LCORL: variants seen among roughly 807,000 people sequenced by gnomAD.
The protein encoded by LCORL is ligand dependent nuclear receptor corepressor like, also known as ligand-dependent nuclear receptor corepressor-like protein.
LCORL carries 41 observed loss-of-function variants against 141.8 expected under a neutral mutation model. That is an observed-to-expected ratio of 0.29 (90% CI 0.23 to 0.38). The LOEUF is 0.38. Among genes scored for constraint, LCORL ranks in the 10% least tolerant of loss-of-function variants. The pLI, the probability that LCORL is intolerant of heterozygous loss-of-function variation, is 1.00. For missense variants in LCORL, 1,759 were observed against 2,035.0 expected (o/e 0.86, Z 2.61); for synonymous variants, 618 against 694.1 (o/e 0.89, Z 1.72).
rs1320620643 is a variant in LCORL at position 17,975,831 on chromosome 4, A to G, written c.155-2946T>C. ...TATTCCATGTAACACGGAAAAGAAT[A>G]TGTGTCTGTAGTTACTGGGAGGAAT... On this transcript the variant is annotated intron_variant, in intron 1 of 7. Coordinates refer to ENST00000635767, the Ensembl canonical transcript of LCORL. 2.0e-5 allele frequency among the ~76,000 whole-genome samples: 3 copies of G among 152,244 alleles called. No homozygotes were observed. The South Asian group carries it at 6.2e-4, about 31-fold the overall frequency.
chr4:17,977,420 G>A (rs1192048306), intron 1 of LCORL, among the ~76,000 whole-genome samples: 1 of 152,064 alleles, frequency 6.6e-6, no homozygotes, highest in Non-Finnish European at 1.5e-5. Context: ...TTGGTTAGTT[G>A]TGTTTTTCTT....
At chr4:17,959,241 C>T (rs1713302659) in intron 4 of LCORL, among the ~76,000 whole-genome samples, 2 of 151,890 alleles carry the variant, frequency 1.3e-5, no homozygotes, top group African/African-American at 4.8e-5. Context: ...CCCCATAGTT[C>T]CTCTCTAGTC....
chr4:18,018,775 G>C (rs1422774996), intron 1 of LCORL, among the ~76,000 whole-genome samples: 2 of 152,080 alleles, frequency 1.3e-5, no homozygotes, highest in African/African-American at 4.8e-5. Context: ...TTAAAATTAA[G>C]ATGTTTGGAT....
intron 1 of LCORL, among the ~76,000 whole-genome samples, chr4:17,991,695 T>C (rs1720039393): frequency 1.3e-5 from 2 of 152,264 alleles, no homozygotes; most frequent in Non-Finnish European, 1.5e-5. Flanking sequence ...TAAAATACAG[T>C]CACCAAATTT....
chr4:17,844,397 G>A (rs1009965571), exon 8 of LCORL: 5 of 152,056 alleles, frequency 3.3e-5, no homozygotes, highest in African/African-American at 1.2e-4. Flanking sequence ...CTTTTTTTAG[G>A]CTTATCATCT....
chr4:17,858,574 C>T (rs989126111), intron 7 of LCORL, among the ~76,000 whole-genome samples: 1 of 149,402 alleles, frequency 6.7e-6, no homozygotes, highest in Non-Finnish European at 1.5e-5. Flanking sequence ...AAAAAAAATA[C>T]AAAATTAGCC....
chr4:17,952,267 T>G (rs1354955694), intron 4 of LCORL, among the ~76,000 whole-genome samples: 1 of 152,172 alleles, frequency 6.6e-6, no homozygotes, highest in Non-Finnish European at 1.5e-5. Context: ...ACATCTCTTT[T>G]GATGATCAGG....
At chr4:17,905,951 G>A (rs543400178) in intron 5 of LCORL, among the ~76,000 whole-genome samples, 1 of 152,076 alleles carries the variant, frequency 6.6e-6, no homozygotes, top group Non-Finnish European at 1.5e-5. Flanking sequence ...AAATTCTTAA[G>A]GAAGCTATGT....
At chr4:17,864,817 T>C (rs763398521) in intron 7 of LCORL, among the ~76,000 whole-genome samples, 14 of 152,180 alleles carry the variant, frequency 9.2e-5, no homozygotes, top group Non-Finnish European at 4.4e-5. Flanking sequence ...TACACTATGA[T>C]AACAGTAGTG....
intron 1 of LCORL, among the ~76,000 whole-genome samples, chr4:18,004,156 G>A (rs922594513): frequency 6.6e-6 from 1 of 152,148 alleles, no homozygotes; most frequent in African/African-American, 2.4e-5. Context: ...CTAGCAAATA[G>A]CAATGTGTTG....
At chr4:17,974,558 A>G (rs1190588676) in intron 1 of LCORL, among the ~76,000 whole-genome samples, 4 of 152,160 alleles carry the variant, frequency 2.6e-5, no homozygotes, top group Non-Finnish European at 5.9e-5. Flanking sequence ...CCTTCTGAGT[A>G]ATCACCTGGA....
At chr4:18,009,728 C>G (rs1011148166) in intron 1 of LCORL, among the ~76,000 whole-genome samples, 3 of 152,104 alleles carry the variant, frequency 2.0e-5, no homozygotes, top group African/African-American at 7.2e-5. Context: ...GACCTTCCCC[C>G]ATACCAGGCC....
intron 5 of LCORL, among the ~76,000 whole-genome samples, chr4:17,904,346 A>C (rs1289355903): frequency 6.6e-6 from 1 of 152,044 alleles, no homozygotes; most frequent in African/African-American, 2.4e-5. Flanking sequence ...TGCTTTCTAG[A>C]TACATCAGTT....
chr4:17,913,038 A>T (rs1266620456), intron 4 of LCORL: 3 of 237,942 alleles, frequency 1.3e-5, no homozygotes, highest in Non-Finnish European at 2.5e-5. Context: ...TCAGGGGTCA[A>T]AAAAAATGGA....
At chr4:17,939,070 C>T (rs906629325) in intron 4 of LCORL, among the ~76,000 whole-genome samples, 4 of 152,180 alleles carry the variant, frequency 2.6e-5, no homozygotes, top group Non-Finnish European at 4.4e-5. Flanking sequence ...TTATAACAAA[C>T]ACCTACAAAT....
chr4:17,881,811 G>GT, intron 6 of LCORL: 8 of 983,326 alleles, frequency 8.1e-6, no homozygotes, highest in Non-Finnish European at 9.7e-6. Flanking sequence ...CAATAAAATT[G>GT]TTTTGAAATA....
exon 8 of LCORL, chr4:17,842,418 T>C (rs746171228): frequency 1.3e-6 from 2 of 1,515,424 alleles, no homozygotes; most frequent in African/African-American, 1.4e-5. Flanking sequence ...AGGCCTATCT[T>C]CACTTTTTAT....
chr4:17,934,209 T>G (rs1736486142), intron 4 of LCORL, among the ~76,000 whole-genome samples: 1 of 152,070 alleles, frequency 6.6e-6, no homozygotes, highest in Admixed American at 6.5e-5. Context: ...GATTCTGATG[T>G]AAACTATGAA....
intron 4 of LCORL, among the ~76,000 whole-genome samples, chr4:17,933,759 T>C (rs1426867177): frequency 2.0e-5 from 3 of 152,076 alleles, no homozygotes; most frequent in Admixed American, 1.3e-4. Context: ...ATTACTGTCA[T>C]ATGTAAAAAC....
Sources: allele counts gnomAD v4.1 joint callset (sites outside exome capture counted in the v4.1 genomes callset), GRCh38; gene constraint gnomAD v4.1.1; transcripts MANE v1.5; gene names NCBI Gene and HGNC (gene_info 2026-07-23, HGNC 2026-07-21).